Variants in NPC2 observed in about 807,000 individuals in gnomAD.
The protein encoded by NPC2 is NPC intracellular cholesterol transporter 2, also known as Niemann-Pick disease type C2 protein.
A neutral mutation model predicts 17.0 loss-of-function variants in NPC2; 14 were observed. The observed-to-expected ratio is 0.82, with a 90% CI of 0.54 to 1.29. NPC2 has a LOEUF of 1.29. Ranked by LOEUF, NPC2 falls within the 50% of genes most tolerant of loss-of-function variation. NPC2 has a pLI of 0.00. For missense variants in NPC2, 167 were observed against 183.4 expected (o/e 0.91, Z 0.52); for synonymous variants, 75 against 69.3 (o/e 1.08, Z -0.41).
At chr14:74,491,454 G>C (rs1308392536) in intron 1 of NPC2, among the ~76,000 whole-genome samples, 1 of 152,164 alleles carries the variant, frequency 6.6e-6, no homozygotes, top group African/African-American at 2.4e-5. Flanking sequence ...AATTTGAAGC[G>C]ATAATAGCTT....
At chr14:74,493,311 G>A (rs769643578), upstream of NPC2, 1 of 1,597,404 alleles carries the variant, frequency 6.3e-7, no homozygotes, top group Admixed American at 1.8e-5. The surrounding 1 kb of genome is among the most constrained non-coding windows in gnomAD (Gnocchi z 4.1). Flanking sequence ...GAAAGAAGCA[G>A]CGGCCGCCCG....
At chr14:74,493,507 C>G (rs1415607252), upstream of NPC2, 3 of 923,582 alleles carry the variant, frequency 3.2e-6, no homozygotes, top group Non-Finnish European at 4.8e-6. The surrounding 1 kb of genome is among the most constrained non-coding windows in gnomAD (Gnocchi z 4.1). Context: ...CTGACCCGCC[C>G]GGACCCACCT....
intron 2 of NPC2, among the ~76,000 whole-genome samples, chr14:74,484,841 G>A (rs1413553664): frequency 6.6e-6 from 1 of 151,140 alleles, no homozygotes; most frequent in Non-Finnish European, 1.5e-5. Flanking sequence ...AGTTTCTTAG[G>A]AGAATCAGAG....
chr14:74,490,933 C>CT, intron 1 of NPC2, among the ~76,000 whole-genome samples: 1 of 152,120 alleles, frequency 6.6e-6, no homozygotes, highest in Non-Finnish European at 1.5e-5. Flanking sequence ...TATTTCCCTT[C>CT]TTTTTTTGGA....
At chr14:74,493,487 C>A, upstream of NPC2, 2 of 1,137,030 alleles carry the variant, frequency 1.8e-6, no homozygotes, top group Non-Finnish European at 2.5e-6. This position sits in a 1 kb window ranked among gnomAD's most constrained non-coding sequence, Gnocchi z 4.1. Context: ...CATGCCATCC[C>A]CTCAGAGGCC....
At position 74,480,739 on chromosome 14, in the gene NPC2, T is replaced by A. The variant is rs1038433825; in HGVS notation, c.404A>T (p.Asn135Ile). The A allele has an allele frequency of 6.2e-7, 1 of 1,613,856 alleles. No homozygotes were observed. The highest frequency in any genetic ancestry group is 1.3e-5 in the African/African-American group (1 of 74,918). Residue 135 changes from asparagine to isoleucine, a missense_variant, in exon 4 of 5, where the codon AAC (asparagine) becomes ATC (isoleucine). By Grantham distance (149) the Asn-to-Ile change is moderately radical. Coordinates refer to ENST00000555619, the MANE Select transcript of NPC2 (RefSeq NM_006432.5). The stretch of plus-strand genomic sequence containing the variant: ...GATTTCCCAGCAGAAGAGACTTTGG[T>A]TTTTGTCATCCTGAAGTTGCCACTC... ...VVEWQLQDDK[N>I]QSLFCWEIPV...
intron 2 of NPC2, among the ~76,000 whole-genome samples, chr14:74,485,205 G>A (rs1454838854): frequency 6.8e-6 from 1 of 147,198 alleles, no homozygotes; most frequent in African/African-American, 2.5e-5. Context: ...TGAGGCGGGA[G>A]AATCGCTTGA....
At chr14:74,485,112 T>A (rs985261794) in intron 2 of NPC2, among the ~76,000 whole-genome samples, 2 of 151,562 alleles carry the variant, frequency 1.3e-5, no homozygotes. Flanking sequence ...CTGGCCAACA[T>A]GGAAAAACCC....
intron 1 of NPC2, among the ~76,000 whole-genome samples, chr14:74,489,554 CTG>C (rs2086749299): frequency 5.6e-5 from 8 of 144,012 alleles, no homozygotes; most frequent in African/African-American, 2.1e-4. Flanking sequence ...GTGTGTGTGT[CTG>C]TGTGTGTATG....
At chr14:74,487,892 G>T (rs1815258348) in intron 1 of NPC2, among the ~76,000 whole-genome samples, 2 of 152,196 alleles carry the variant, frequency 1.3e-5, no homozygotes, top group African/African-American at 4.8e-5. Context: ...TATCATCCTT[G>T]TTTTAGGGGT....
Position 74,480,672 on chromosome 14 carries a change from C to T in NPC2, c.441+30G>A, listed in dbSNP as rs139314541. 357 of 1,561,884 alleles carry T rather than the reference C, an allele frequency of 2.3e-4. No homozygotes were observed. In the African/African-American group the frequency reaches 4.5e-3, roughly 20 times the overall value. Reference sequence around the variant, plus strand: ...TTCTCCTCCACTTTCTTCCCTCCACCCATGCCCTCTCACCCCCAGATAGAC... The same window carrying T: ...TTCTCCTCCACTTTCTTCCCTCCACTCATGCCCTCTCACCCCCAGATAGAC... On this transcript the variant is annotated intron_variant, in intron 4 of 4. Transcript: ENST00000555619.
intron 3 of NPC2, among the ~76,000 whole-genome samples, chr14:74,482,829 A>G (rs1420529327): frequency 6.6e-6 from 1 of 151,460 alleles, no homozygotes; most frequent in Non-Finnish European, 1.5e-5. Context: ...GAAATATTGT[A>G]TATAAAAATG....
At chr14:74,491,307 G>A (rs915882149) in intron 1 of NPC2, among the ~76,000 whole-genome samples, 12 of 152,056 alleles carry the variant, frequency 7.9e-5, no homozygotes, top group Non-Finnish European at 1.6e-4. Flanking sequence ...TCTTGACCTC[G>A]TGATCTGCCC....
At chr14:74,483,393 C>G in intron 3 of NPC2, 1 of 1,472,144 alleles carries the variant, frequency 6.8e-7, no homozygotes, top group Non-Finnish European at 9.4e-7. Context: ...TTAGAATAAT[C>G]TGCAAAGTCA....
At chr14:74,483,429 A>C (rs1003680604) in intron 3 of NPC2, 12 of 1,520,652 alleles carry the variant, frequency 7.9e-6, no homozygotes, top group Admixed American at 1.8e-5. Flanking sequence ...GAAATATTTT[A>C]TGACCTGGTC....
At chr14:74,481,232 C>T (rs1242391138) in intron 3 of NPC2, among the ~76,000 whole-genome samples, 2 of 152,204 alleles carry the variant, frequency 1.3e-5, no homozygotes, top group African/African-American at 4.8e-5. Context: ...TCACTGACTT[C>T]ACATGAGATC....
At chr14:74,487,164 T>C (rs543944187) in intron 1 of NPC2, among the ~76,000 whole-genome samples, 89 of 152,172 alleles carry the variant, frequency 5.8e-4, no homozygotes, top group African/African-American at 2.0e-3. Context: ...TTGGCCAGGA[T>C]GGTCTTGATC....
At chr14:74,490,910 T>C (rs916714482) in intron 1 of NPC2, among the ~76,000 whole-genome samples, 3 of 152,228 alleles carry the variant, frequency 2.0e-5, no homozygotes, top group African/African-American at 7.2e-5. Context: ...ATAAGTAGAA[T>C]AATTTCTGGA....
chr14:74,493,351 C>T (rs557092272), upstream of NPC2: 131 of 1,565,698 alleles, frequency 8.4e-5, 2 homozygotes, highest in South Asian at 1.4e-3. The surrounding 1 kb of genome is among the most constrained non-coding windows in gnomAD (Gnocchi z 4.1). Flanking sequence ...TCGGGGCGGG[C>T]CCGGGGAGGA....
Sources: gnomAD v4.1 joint callset for allele counts (sites outside exome capture counted in the v4.1 genomes callset) on GRCh38, gnomAD v4.1.1 for gene constraint, Gnocchi (gnomAD v3.1) non-coding constraint, MANE v1.5 for transcripts, NCBI Gene and HGNC (gene_info 2026-07-23, HGNC 2026-07-21) for gene names.